The following RNF19A variants were observed in gnomAD, a reference collection of about 807,000 sequenced individuals.
RNF19A encodes the protein ring finger protein 19A, RBR E3 ubiquitin protein ligase, also known as E3 ubiquitin-protein ligase RNF19A.
A neutral mutation model predicts 75.7 loss-of-function variants in RNF19A; 32 were observed. That is an observed-to-expected ratio of 0.42 (90% CI 0.32 to 0.57). The LOEUF (loss-of-function observed/expected upper bound fraction) is 0.57, where lower values mean the gene tolerates loss of function less well. Ranked by LOEUF, RNF19A falls within the 20% of genes least tolerant of loss-of-function variation. The probability of loss-of-function intolerance (pLI) is 0.10; values close to 1 mark genes in which losing one functional copy is unlikely to be tolerated. For missense variants in RNF19A, 782 were observed against 1,036.3 expected (o/e 0.75, Z 3.37); for synonymous variants, 335 against 345.2 (o/e 0.97, Z 0.33).
rs561281800 is a variant in RNF19A at position 100,309,327 on chromosome 8, G to A, written c.-94+540C>T. Reference sequence around the variant, plus strand: ...CTCCGAACACAGCTCCCCTCCCTAAGGCCCCAGGCAGCACGGCTTGCGGGG... The same window carrying A: ...CTCCGAACACAGCTCCCCTCCCTAAAGCCCCAGGCAGCACGGCTTGCGGGG... On this transcript the variant is annotated intron_variant, in intron 1 of 9. Coordinates refer to ENST00000341084, the MANE Select transcript of RNF19A (RefSeq NM_183419.4). The A allele has an allele frequency of 1.2e-5, 12 of 985,696 alleles. No individual in the cohort carries two copies. In the Admixed American group the frequency reaches 3.1e-4, roughly 25 times the overall value. 61.1% of individuals were successfully genotyped at this position (985,696 alleles called of 1,614,324 possible).
At chr8:100,314,940 T>C (rs962952310), upstream of RNF19A, among the ~76,000 whole-genome samples, 4 of 152,182 alleles carry the variant, frequency 2.6e-5, no homozygotes, top group African/African-American at 9.7e-5. This position sits in a 1 kb window ranked among gnomAD's most constrained non-coding sequence, Gnocchi z 4.1. Context: ...CCCTAGGTGC[T>C]GCGAGACACC....
intron 1 of RNF19A, among the ~76,000 whole-genome samples, chr8:100,303,580 G>A (rs1156701495): frequency 6.6e-6 from 1 of 152,026 alleles, no homozygotes; most frequent in Non-Finnish European, 1.5e-5. Context: ...ACATCAGTAA[G>A]GTATGCTAAA....
chr8:100,319,939 A>T (rs978907393), intron 1 of RNF19A, among the ~76,000 whole-genome samples: 1 of 142,112 alleles, frequency 7.0e-6, no homozygotes, highest in Non-Finnish European at 1.5e-5. Flanking sequence ...GGGTTCAAGC[A>T]ATTCTCCTCC....
chr8:100,318,410 C>G (rs1822415231), intron 1 of RNF19A, among the ~76,000 whole-genome samples: 1 of 152,110 alleles, frequency 6.6e-6, no homozygotes, highest in African/African-American at 2.4e-5. Context: ...TTTTCTCGTG[C>G]TATATTTTAT....
chr8:100,290,252 G>A (rs542544845), intron 1 of RNF19A, among the ~76,000 whole-genome samples: 18 of 152,170 alleles, frequency 1.2e-4, no homozygotes, highest in African/African-American at 3.9e-4. Context: ...ACAGGCATGC[G>A]CCACCATGCT....
intron 1 of RNF19A, chr8:100,309,232 C>G (rs28651515): frequency 1.3e-6 from 1 of 789,246 alleles, no homozygotes; most frequent in African/African-American, 1.9e-5. Flanking sequence ...CACCCCAAGG[C>G]TACACCATTT....
At chr8:100,263,715 G>A (rs941204783) in intron 7 of RNF19A, among the ~76,000 whole-genome samples, 3 of 152,014 alleles carry the variant, frequency 2.0e-5, no homozygotes, top group South Asian at 2.1e-4. Context: ...TTGGTCATCC[G>A]TATTTCTTTT....
intron 1 of RNF19A, among the ~76,000 whole-genome samples, chr8:100,334,132 A>G (rs1334045392): frequency 6.6e-6 from 1 of 152,136 alleles, no homozygotes; most frequent in East Asian, 1.9e-4. Context: ...TCTCATCTTC[A>G]GGAGGTTCCA....
At chr8:100,289,976 C>T (rs1821211033) in intron 1 of RNF19A, among the ~76,000 whole-genome samples, 1 of 152,174 alleles carries the variant, frequency 6.6e-6, no homozygotes, top group Admixed American at 6.5e-5. Flanking sequence ...GAATAAAATA[C>T]TGCTACACAC....
At chr8:100,312,425 G>A (rs558883928), upstream of RNF19A, 1 of 152,400 alleles carries the variant, frequency 6.6e-6, no homozygotes, top group Admixed American at 6.5e-5. Flanking sequence ...GCAAGATGGC[G>A]AAAATACAAA....
At chr8:100,298,941 C>T (rs1821697604) in intron 1 of RNF19A, among the ~76,000 whole-genome samples, 1 of 152,102 alleles carries the variant, frequency 6.6e-6, no homozygotes, top group South Asian at 2.1e-4. Context: ...TGATCAAGTG[C>T]CCAGAGACAT....
chr8:100,310,187 C>G (rs897266275), upstream of RNF19A: 1 of 985,458 alleles, frequency 1.0e-6, no homozygotes, highest in Non-Finnish European at 1.2e-6. Flanking sequence ...AGCGCGCCGC[C>G]CGCGTGCTGT....
At chr8:100,316,168 G>T (rs1156755498) in intron 1 of RNF19A, among the ~76,000 whole-genome samples, 1 of 151,652 alleles carries the variant, frequency 6.6e-6, no homozygotes, top group Non-Finnish European at 1.5e-5. Context: ...TCTTAAGACG[G>T]CGTGTCTGGA....
intron 1 of RNF19A, among the ~76,000 whole-genome samples, chr8:100,290,836 C>T (rs1209339308): frequency 6.6e-6 from 1 of 152,166 alleles, no homozygotes; most frequent in Non-Finnish European, 1.5e-5. Context: ...CAGTATGTTA[C>T]TGTAGTGAAT....
At chr8:100,316,995 C>T (rs1367569482) in intron 1 of RNF19A, among the ~76,000 whole-genome samples, 1 of 152,226 alleles carries the variant, frequency 6.6e-6, no homozygotes, top group Non-Finnish European at 1.5e-5. Flanking sequence ...ACCCAGTACA[C>T]TCTCCGCAGC....
At position 100,257,173 on chromosome 8, in the gene RNF19A, A is replaced by G. The variant is rs1819496065; in HGVS notation, c.*1383T>C. On this transcript the variant is annotated 3_prime_UTR_variant, in exon 10 of 10. Transcript: ENST00000341084. ...AATACCATAAGCATTATCAAATAAA[A>G]TAACTGGCACTAGTGTTATAAGCAT... 1 of 152,676 alleles carries G rather than the reference A, an allele frequency of 6.5e-6. No homozygotes were observed. The highest frequency in any genetic ancestry group is 2.4e-5 in the African/African-American group (1 of 41,472). The allele number at this position is 152,676 out of a possible 1,614,324, so 9.5% of individuals were successfully genotyped here. A position where few individuals can be genotyped will look rare whatever the true frequency, so the allele number is the denominator to read the frequency against.
upstream of RNF19A, among the ~76,000 whole-genome samples, chr8:100,313,956 A>T (rs1156861227): frequency 1.4e-5 from 2 of 140,762 alleles, no homozygotes; most frequent in African/African-American, 5.6e-5. Context: ...ATATTGGCTC[A>T]TTGCAACCTC....
chr8:100,270,166 T>C (rs1281604793), intron 3 of RNF19A, among the ~76,000 whole-genome samples, 153 bp from the exon 4 acceptor site: 6 of 152,170 alleles, frequency 3.9e-5, no homozygotes, highest in Non-Finnish European at 7.4e-5. Context: ...TAAAGCATTT[T>C]TTCTTCCCTT....
intron 2 of RNF19A, among the ~76,000 whole-genome samples, chr8:100,281,887 A>C (rs1820795974): frequency 6.6e-6 from 1 of 152,244 alleles, no homozygotes; most frequent in African/African-American, 2.4e-5. Context: ...TGATTATTCC[A>C]GTGAAAAAGG....
Sources: gnomAD v4.1 joint callset for allele counts (sites outside exome capture counted in the v4.1 genomes callset) on GRCh38, gnomAD v4.1.1 for gene constraint, Gnocchi (gnomAD v3.1) non-coding constraint, MANE v1.5 for transcripts, NCBI Gene and HGNC (gene_info 2026-07-23, HGNC 2026-07-21) for gene names.